Variants in TMED8 observed in about 807,000 individuals in gnomAD.
TMED8 encodes transmembrane p24 trafficking protein family member 8.
A neutral mutation model predicts 32.7 loss-of-function variants in TMED8; 15 were observed. The observed-to-expected ratio is 0.46, with a 90% CI of 0.31 to 0.71. TMED8 has a LOEUF of 0.71. TMED8 is among the 30% of genes least tolerant of loss of function. The pLI, the probability that TMED8 is intolerant of heterozygous loss-of-function variation, is 0.06. For missense variants in TMED8, 390 were observed against 423.9 expected, an observed-to-expected ratio of 0.92 and a Z score of 0.70; for synonymous variants, 147 against 161.4, an observed-to-expected ratio of 0.91 and a Z score of 0.68.
In TMED8 at chr14:77,338,699, C is replaced by T. The variant is rs1892822534; in HGVS notation, c.*3072G>A. ...TTCTAAGAACCTCCTGAGGCCCCAT[C>T]ATGGGCTCTGAACCTTGGCAAAATA... On this transcript the variant is annotated 3_prime_UTR_variant, in exon 6 of 6. Transcript: ENST00000216468. 6.6e-6 allele frequency: 1 copy of T among 152,260 alleles called. No homozygotes were observed. The allele number at this position is 152,260 out of a possible 1,614,324, so 9.4% of individuals were successfully genotyped here.
chr14:77,339,387 A>C lies in TMED8; in HGVS notation c.*2384T>G, dbSNP rs544344612. On this transcript the variant is annotated 3_prime_UTR_variant, in exon 6 of 6. Coordinates refer to ENST00000216468, the MANE Select transcript of TMED8 (RefSeq NM_213601.3). ...CCCTTAGGCTTCCCTGATGCAACAG[A>C]ACTAGGATTCCAAAGAAAATAAGCA... 3 of 152,366 alleles carry C rather than the reference A, an allele frequency of 2.0e-5. No individual in the cohort carries two copies. The East Asian group carries it at 5.8e-4, about 29-fold the overall frequency. The allele number at this position is 152,366 out of a possible 1,614,324, so 9.4% of individuals were successfully genotyped here. A position where few individuals can be genotyped will look rare whatever the true frequency, so the allele number is the denominator to read the frequency against.
chr14:77,342,061 G>A (rs1892917599), intron 5 of TMED8, 73 bp from the exon 6 acceptor site: 2 of 1,349,260 alleles, frequency 1.5e-6, no homozygotes, highest in Non-Finnish European at 2.1e-6. Flanking sequence ...AGGACCAGGT[G>A]ACCCAGTGGC....
At chr14:77,375,245 C>T (rs79652693) in intron 1 of TMED8, among the ~76,000 whole-genome samples, 5,938 of 152,014 alleles carry the variant, frequency 0.039, 157 homozygotes, top group Middle Eastern at 0.061. Flanking sequence ...AAAATTATCA[C>T]CCTGCATTCT....
At chr14:77,365,949 A>C (rs1049673801) in intron 1 of TMED8, among the ~76,000 whole-genome samples, 1 of 152,200 alleles carries the variant, frequency 6.6e-6, no homozygotes, top group Non-Finnish European at 1.5e-5. Context: ...CTAGTAATGA[A>C]AGACTAGAAA....
At chr14:77,346,584 C>A (rs1893042434) in intron 2 of TMED8, 106 bp from the exon 3 acceptor site, 1 of 1,422,894 alleles carries the variant, frequency 7.0e-7, no homozygotes, top group African/African-American at 1.4e-5. Flanking sequence ...CCTGCCCCAC[C>A]TGCCCCTGGC....
At chr14:77,349,383 G>T (rs1196017250) in intron 2 of TMED8, among the ~76,000 whole-genome samples, 2 of 152,052 alleles carry the variant, frequency 1.3e-5, no homozygotes, top group African/African-American at 2.4e-5. Context: ...CTCCCAAAGT[G>T]CTGGGATTAC....
At position 77,336,071 on chromosome 14, in the gene TMED8, CT is replaced by C. The variant is rs1412766907; in HGVS notation, c.*5699del. 6.6e-6 allele frequency: 1 copy of C among 152,126 alleles called. No individual in the cohort carries two copies. The highest frequency in any genetic ancestry group is 1.5e-5 in the Non-Finnish European group (1 of 68,028). The allele number at this position is 152,126 out of a possible 1,614,324, so 9.4% of individuals were successfully genotyped here. On this transcript the variant is annotated 3_prime_UTR_variant, in exon 6 of 6. Coordinates refer to ENST00000216468, the MANE Select transcript of TMED8 (RefSeq NM_213601.3). ...AGCCCCTTAAACTCTGAATTAAGGG[CT>C]CTTTGGTAATATCATATACTATAAT...
chr14:77,359,318 A>G (rs1893373946), intron 1 of TMED8: 3 of 182,684 alleles, frequency 1.6e-5, no homozygotes, highest in Non-Finnish European at 3.4e-5. Context: ...AAGCTCCTGC[A>G]CTCAGGACCC....
Position 77,376,158 on chromosome 14 carries a change from T to C in TMED8, c.118+778A>G, listed in dbSNP as rs142694167. Among the ~76,000 whole-genome samples the C allele has an allele frequency of 6.6e-6, 1 of 152,304 alleles. No individual in the cohort carries two copies. Among genetic ancestry groups the C allele is most frequent in the Admixed American group, 6.5e-5 (1 of 15,310 alleles). On this transcript the variant is annotated intron_variant, in intron 1 of 5. Coordinates refer to ENST00000216468, the MANE Select transcript of TMED8 (RefSeq NM_213601.3). The surrounding 1 kb of genome is among the most constrained non-coding windows in gnomAD (Gnocchi z 4.0). ...AGGAGGCTGAAAGAAGAAAGTGTGA[T>C]GGATGGACTCTTTTGTCTTTGGACA...
chr14:77,360,215 C>A (rs1302808854), intron 1 of TMED8, among the ~76,000 whole-genome samples: 1 of 152,130 alleles, frequency 6.6e-6, no homozygotes, highest in Non-Finnish European at 1.5e-5. Context: ...CTAAAATTTC[C>A]TTTTAGTAAA....
chr14:77,361,094 C>T (rs1893424847), intron 1 of TMED8, among the ~76,000 whole-genome samples: 1 of 151,536 alleles, frequency 6.6e-6, no homozygotes, highest in Non-Finnish European at 1.5e-5. Flanking sequence ...ATTCTCCTGC[C>T]TCAGGCTCCC....
Position 77,376,827 on chromosome 14 carries a change from GGTCCGCTCC to G in TMED8, c.118+100_118+108del. 6 of 613,068 alleles carry G rather than the reference GGTCCGCTCC, an allele frequency of 9.8e-6. No individual in the cohort carries two copies. Among genetic ancestry groups the G allele is most frequent in the Non-Finnish European group, 1.4e-5 (6 of 421,144 alleles). 38.0% of individuals were successfully genotyped at this position (613,068 alleles called of 1,614,324 possible). A position where few individuals can be genotyped will look rare whatever the true frequency, so the allele number is the denominator to read the frequency against. The stretch of plus-strand genomic sequence containing the variant: ...CGCGCGCGAAGGGGCTGCCGAGGTG[GGTCCGCTCC>G]GCGGGGAAGCCCAGGACAGAGCGCG... On this transcript the variant is annotated intron_variant, in intron 1 of 5. Coordinates refer to ENST00000216468, the MANE Select transcript of TMED8 (RefSeq NM_213601.3). This position sits in a 1 kb window ranked among gnomAD's most constrained non-coding sequence, Gnocchi z 4.0.
intron 1 of TMED8, among the ~76,000 whole-genome samples, chr14:77,372,953 T>TATATA (rs71128617): frequency 8.1e-5 from 1 of 12,372 alleles, no homozygotes; most frequent in Non-Finnish European, 1.3e-4. Flanking sequence ...TATATATATA[T>TATATA]TTTTTTTTTT....
intron 1 of TMED8, among the ~76,000 whole-genome samples, chr14:77,354,061 C>T (rs746591868): frequency 2.6e-5 from 4 of 152,180 alleles, no homozygotes; most frequent in Non-Finnish European, 4.4e-5. Flanking sequence ...CATCTTCACA[C>T]TATATAGCCT....
intron 1 of TMED8, among the ~76,000 whole-genome samples, chr14:77,369,970 G>T (rs1408300451): frequency 6.6e-6 from 1 of 152,110 alleles, no homozygotes; most frequent in African/African-American, 2.4e-5. Flanking sequence ...TCAGGAGTTC[G>T]AGACCAACCT....
intron 5 of TMED8, 37 bp from the exon 6 acceptor site, chr14:77,342,025 G>T: frequency 6.3e-7 from 1 of 1,594,108 alleles, no homozygotes; most frequent in Non-Finnish European, 8.6e-7. Context: ...CAGAGACTGC[G>T]TAAGTCCTGC....
At position 77,372,930 on chromosome 14, in the gene TMED8, ATATATATATATATATATATATATT is replaced by A. The variant is rs1222355785; in HGVS notation, c.118+3982_118+4005del. 1.2e-3 allele frequency among the ~76,000 whole-genome samples: 34 copies of A among 28,796 alleles called. 1 individual carries two copies. The highest frequency in any genetic ancestry group is 8.7e-3 in the African/African-American group (34 of 3,900). 18.9% of individuals were successfully genotyped at this position (28,796 alleles called of 152,430 possible). ...ATTATATATATATATATATATATATATATATATATATATATATATATATTTTTTTTTTTTTTTTTTTTTTTTTTT... is the reference window on the plus strand; with the variant it reads ...ATTATATATATATATATATATATATATTTTTTTTTTTTTTTTTTTTTTTTT... On this transcript the variant is annotated intron_variant, in intron 1 of 5. Transcript: ENST00000216468.
At chr14:77,356,462 C>T (rs931557196) in intron 1 of TMED8, among the ~76,000 whole-genome samples, 4 of 152,132 alleles carry the variant, frequency 2.6e-5, no homozygotes, top group African/African-American at 9.7e-5. Flanking sequence ...GACTCATGCA[C>T]CCTACCTATG....
intron 1 of TMED8, among the ~76,000 whole-genome samples, chr14:77,354,804 A>C (rs1893254920): frequency 6.6e-6 from 1 of 152,072 alleles, no homozygotes; most frequent in South Asian, 2.1e-4. Context: ...AAATACCAAA[A>C]TTAGGTAGGT....
Sources: allele counts gnomAD v4.1 joint callset (sites outside exome capture counted in the v4.1 genomes callset), GRCh38; gene constraint gnomAD v4.1.1; non-coding constraint Gnocchi (gnomAD v3.1); transcripts MANE v1.5; gene names NCBI Gene and HGNC (gene_info 2026-07-23, HGNC 2026-07-21).